Variants in ARHGEF4 observed in about 807,000 individuals in gnomAD.
ARHGEF4 encodes the protein APC-stimulated guanine nucleotide exchange factor 1.
A neutral mutation model predicts 162.0 loss-of-function variants in ARHGEF4; 119 were observed. That is an observed-to-expected ratio of 0.73 (90% CI 0.63 to 0.86). ARHGEF4 has a LOEUF of 0.86. ARHGEF4 is among the 40% of genes least tolerant of loss of function. The pLI is 0.00. For missense variants in ARHGEF4, 2,488 were observed against 2,456.0 expected (o/e 1.01, Z -0.28); for synonymous variants, 1,014 against 979.9 (o/e 1.03, Z -0.65).
chr2:130,908,569 G>A (rs1680977708), intron 1 of ARHGEF4, among the ~76,000 whole-genome samples: 1 of 152,178 alleles, frequency 6.6e-6, no homozygotes, highest in Non-Finnish European at 1.5e-5. Flanking sequence ...CCAGCTACTT[G>A]GGAGGCTGAG....
chr2:130,969,491 C>G (rs534297594), intron 4 of ARHGEF4, among the ~76,000 whole-genome samples: 1 of 151,394 alleles, frequency 6.6e-6, no homozygotes, highest in Non-Finnish European at 1.5e-5. Flanking sequence ...CCCAGCTACT[C>G]GGGAGGCTGA....
intron 4 of ARHGEF4, among the ~76,000 whole-genome samples, chr2:131,000,698 T>G (rs1403278183): frequency 6.6e-6 from 1 of 152,152 alleles, no homozygotes. Context: ...ATCTAGGTTT[T>G]CAGATTTAGA....
At chr2:130,972,517 G>A (rs541152365) in intron 4 of ARHGEF4, among the ~76,000 whole-genome samples, 28 of 152,290 alleles carry the variant, frequency 1.8e-4, no homozygotes, top group African/African-American at 6.3e-4. Flanking sequence ...TAGAGTTCTG[G>A]AAATCCTGAC....
At chr2:131,038,743 A>C in intron 5 of ARHGEF4, 110 bp from the exon 6 acceptor site, 1 of 1,266,900 alleles carries the variant, frequency 7.9e-7, no homozygotes, top group East Asian at 2.4e-5. Context: ...CTCCTCTGTA[A>C]AGAAGTCAGG....
At chr2:130,971,783 C>G (rs1685388300) in intron 4 of ARHGEF4, among the ~76,000 whole-genome samples, 1 of 151,960 alleles carries the variant, frequency 6.6e-6, no homozygotes, top group Non-Finnish European at 1.5e-5. Flanking sequence ...AGTATGGAGT[C>G]AGTTTAGAAA....
intron 1 of ARHGEF4, among the ~76,000 whole-genome samples, chr2:130,889,777 A>ACG (rs1274760897): frequency 6.9e-6 from 1 of 145,740 alleles, no homozygotes; most frequent in Non-Finnish European, 1.5e-5. Context: ...GAGCCACTGC[A>ACG]CGCCAGCCCA....
At chr2:130,953,680 A>T (rs1168792434) in intron 4 of ARHGEF4, among the ~76,000 whole-genome samples, 1 of 152,230 alleles carries the variant, frequency 6.6e-6, no homozygotes, top group East Asian at 1.9e-4. Context: ...TAACATCCAG[A>T]ATCTGCAAAG....
chr2:130,843,595 A>C (rs1454262306), intron 1 of ARHGEF4, among the ~76,000 whole-genome samples: 3 of 152,138 alleles, frequency 2.0e-5, no homozygotes, highest in Non-Finnish European at 4.4e-5. Flanking sequence ...AAGGGGGGGC[A>C]CGGTTCCCAC....
In ARHGEF4 at chr2:130,918,842, G is replaced by T. The variant is rs1359067785; in HGVS notation, c.3552+1344G>T. Among the ~76,000 whole-genome samples the T allele has an allele frequency of 1.3e-5, 2 of 152,160 alleles. 1 individual carries two copies. The highest frequency in any genetic ancestry group is 4.1e-4 in the South Asian group (2 of 4,832). ...GGTTTTTTGTTGTTTTGGGGGGAGG[G>T]TTACTTTTTTTCGTTACTGTTACTA... On this transcript the variant is annotated intron_variant, in intron 2 of 13. Transcript: ENST00000409359.
At chr2:130,840,256 G>C (rs1269598108) in intron 1 of ARHGEF4, among the ~76,000 whole-genome samples, 4 of 152,152 alleles carry the variant, frequency 2.6e-5, no homozygotes, top group African/African-American at 9.7e-5. Context: ...CATCCAATCA[G>C]TGGCTCTATA....
In ARHGEF4 at chr2:131,027,930, T is replaced by C. The variant is rs1208967738; in HGVS notation, c.3986-15T>C. On this transcript the variant is annotated splice_polypyrimidine_tract_variant and intron_variant, in intron 4 of 13. Transcript: ENST00000409359. ...AGCCCAGCCCCCTTTGCCCAGCTGC[T>C]GTCTCTCCTTCCAGCCATGCCTGAT... 1 of 1,613,450 alleles carries C rather than the reference T, an allele frequency of 6.2e-7. No homozygotes were observed. The highest frequency in any genetic ancestry group is 1.7e-5 in the Admixed American group (1 of 60,026).
rs1475599748 is a variant in ARHGEF4, at chr2:130,946,500, C to T, written c.3859-9C>T. ...TCATTTGCCCTCTGTCTCTTTCCTC[C>T]TCTTCCAGTGCTGGAGAAAGACGAT... On this transcript the variant is annotated splice_polypyrimidine_tract_variant and intron_variant, in intron 3 of 13. Transcript: ENST00000409359. 6.2e-7 allele frequency: 1 copy of T among 1,604,654 alleles called. No individual in the cohort carries two copies. The highest frequency in any genetic ancestry group is 1.7e-5 in the Admixed American group (1 of 58,436).
At chr2:130,960,206 T>C (rs1358974419) in intron 4 of ARHGEF4, among the ~76,000 whole-genome samples, 3 of 152,166 alleles carry the variant, frequency 2.0e-5, no homozygotes, top group Non-Finnish European at 4.4e-5. Context: ...AGGATATTAC[T>C]GTACACTATG....
intron 3 of ARHGEF4, among the ~76,000 whole-genome samples, chr2:130,936,295 G>A (rs1246702364): frequency 1.3e-5 from 2 of 152,182 alleles, no homozygotes; most frequent in Non-Finnish European, 2.9e-5. Context: ...AACTATTATT[G>A]CAGAACTATT....
chr2:130,941,854 C>T (rs1418045578), intron 3 of ARHGEF4, among the ~76,000 whole-genome samples: 1 of 152,078 alleles, frequency 6.6e-6, no homozygotes, highest in East Asian at 1.9e-4. Context: ...TAAGTAAACC[C>T]GTGCAGTTCA....
chr2:130,885,726 T>C (rs34364379), intron 1 of ARHGEF4, among the ~76,000 whole-genome samples: 23,228 of 151,352 alleles, frequency 0.15, 2,102 homozygotes, highest in Admixed American at 0.23. Context: ...CCCGCCACCA[T>C]GCCTGGCTAA....
At position 131,040,180 on chromosome 2, in the gene ARHGEF4, C is replaced by G; in HGVS notation, c.4470C>G (p.Arg1490=). 1 of 1,610,398 alleles carries G rather than the reference C, an allele frequency of 6.2e-7. No homozygotes were observed. The highest frequency in any genetic ancestry group is 8.5e-7 in the Non-Finnish European group (1 of 1,177,682). ...STERDYIKHL[R]DICEGYVRQC... is the part of the protein sequence containing the mutation. The stretch of plus-strand genomic sequence containing the variant: ...AGCGGGACTACATCAAGCACCTGCG[C>G]GACATCTGCGAGGTGAGGCCCGGCC... Residue 1490 remains arginine, a synonymous_variant, in exon 7 of 14, where the codon CGC becomes CGG. Transcript: ENST00000409359.
chr2:131,032,262 T>TCAC (rs1450867206), intron 5 of ARHGEF4, among the ~76,000 whole-genome samples: 3 of 151,038 alleles, frequency 2.0e-5, no homozygotes, highest in Non-Finnish European at 4.4e-5. Context: ...CAGGGCAGGG[T>TCAC]CACTGCCCTT....
intron 4 of ARHGEF4, chr2:131,011,890 G>A: frequency 1.4e-6 from 1 of 703,378 alleles, no homozygotes; most frequent in South Asian, 1.5e-5. Context: ...GAGGGGCAGA[G>A]ATGGGACCTG....
Sources: gnomAD v4.1 joint callset for allele counts (sites outside exome capture counted in the v4.1 genomes callset) on GRCh38, gnomAD v4.1.1 for gene constraint, MANE v1.5 for transcripts, NCBI Gene and HGNC (gene_info 2026-07-23, HGNC 2026-07-21) for gene names.